CDH4: variants seen among roughly 807,000 people sequenced by gnomAD.
The protein encoded by CDH4 is cadherin 4, also known as cadherin-4.
CDH4 carries 33 observed loss-of-function variants against 86.0 expected under a neutral mutation model. The observed-to-expected ratio is 0.38, with a 90% CI of 0.29 to 0.51. The LOEUF is 0.51. Among genes scored for constraint, CDH4 ranks in the 20% least tolerant of loss-of-function variants. CDH4 has a pLI of 0.86. For missense variants in CDH4, 1,114 were observed against 1,307.4 expected (o/e 0.85, Z 2.28); for synonymous variants, 555 against 549.4 (o/e 1.01, Z -0.14).
At chr20:61,687,678 C>A (rs73915327) in intron 2 of CDH4, among the ~76,000 whole-genome samples, 1,679 of 152,278 alleles carry the variant, frequency 0.011, 31 homozygotes, top group African/African-American at 0.037. Context: ...GTAAATGATT[C>A]GGAAATTCCT....
At position 61,681,879 on chromosome 20, in the gene CDH4, C is replaced by T. The variant is rs549975384; in HGVS notation, c.170-61684C>T. On this transcript the variant is annotated intron_variant, in intron 2 of 15. Coordinates refer to ENST00000614565, the MANE Select transcript of CDH4 (RefSeq NM_001794.5). This position sits in a 1 kb window ranked among gnomAD's most constrained non-coding sequence, Gnocchi z 4.5. ...TGGTGTATACGGGAGCAAGCAGGTT[C>T]AGCAGAAAATGACGTGATGCCAAGG... Among the ~76,000 whole-genome samples the T allele has an allele frequency of 5.9e-5, 9 of 152,278 alleles. No homozygotes were observed. In the South Asian group the frequency reaches 1.9e-3, roughly 32 times the overall value.
chr20:61,846,429 C>T (rs1021002721), intron 5 of CDH4, among the ~76,000 whole-genome samples: 2 of 152,176 alleles, frequency 1.3e-5, no homozygotes, highest in East Asian at 1.9e-4. Flanking sequence ...GCGTCTACAA[C>T]AGGCTCAGGA....
At chr20:61,472,756 C>G (rs1377643871) in intron 2 of CDH4, among the ~76,000 whole-genome samples, 1 of 152,116 alleles carries the variant, frequency 6.6e-6, no homozygotes, top group East Asian at 1.9e-4. Flanking sequence ...AGTTGTTCTG[C>G]TAACTACAAC....
At chr20:61,344,761 G>A (rs1235155122) in intron 2 of CDH4, among the ~76,000 whole-genome samples, 1 of 152,108 alleles carries the variant, frequency 6.6e-6, no homozygotes, top group Non-Finnish European at 1.5e-5. Flanking sequence ...TACTTTTTGT[G>A]TGATGTCTGT....
chr20:61,609,191 CGTT>C (rs2145756753), intron 2 of CDH4, among the ~76,000 whole-genome samples: 1 of 152,182 alleles, frequency 6.6e-6, no homozygotes, highest in African/African-American at 2.4e-5. Flanking sequence ...TCTGAATCAT[CGTT>C]GTAAAACCAA....
At chr20:61,826,623 A>G (rs564388099) in intron 4 of CDH4, among the ~76,000 whole-genome samples, 2 of 152,348 alleles carry the variant, frequency 1.3e-5, no homozygotes, top group South Asian at 4.1e-4. Flanking sequence ...AGTATTCCAG[A>G]GAAGGAAACA....
At chr20:61,394,050 C>T (rs578154532) in intron 2 of CDH4, among the ~76,000 whole-genome samples, 1 of 152,136 alleles carries the variant, frequency 6.6e-6, no homozygotes, top group South Asian at 2.1e-4. Flanking sequence ...TATTATTCAT[C>T]GAGAACTATG....
intron 2 of CDH4, among the ~76,000 whole-genome samples, chr20:61,584,696 G>A (rs1421254089): frequency 6.6e-6 from 1 of 152,220 alleles, no homozygotes; most frequent in East Asian, 1.9e-4. Flanking sequence ...GAGAATGTGT[G>A]CTTAGTGGGG....
At chr20:61,550,463 C>T (rs987248660) in intron 2 of CDH4, among the ~76,000 whole-genome samples, 7 of 152,242 alleles carry the variant, frequency 4.6e-5, no homozygotes, top group African/African-American at 1.2e-4. Context: ...CCTGACTCTC[C>T]GCTTGGCACC....
At position 61,377,786 on chromosome 20, in the gene CDH4, C is replaced by T. The variant is rs1349830831; in HGVS notation, c.169+122849C>T. Among the ~76,000 whole-genome samples, 1 of 152,208 alleles carries T rather than the reference C, an allele frequency of 6.6e-6. No homozygotes were observed. Among genetic ancestry groups the T allele is most frequent in the Non-Finnish European group, 1.5e-5 (1 of 68,036 alleles). The stretch of plus-strand genomic sequence containing the variant: ...TGTTCCCCATCTGGACTCCTTAGGT[C>T]GGTCCACTGGCCTGTGCCTTGTCCT... On this transcript the variant is annotated intron_variant, in intron 2 of 15. Transcript: ENST00000614565. The surrounding 1 kb of genome is among the most constrained non-coding windows in gnomAD (Gnocchi z 4.0).
At chr20:61,288,436 A>G (rs939710704) in intron 2 of CDH4, among the ~76,000 whole-genome samples, 1 of 152,160 alleles carries the variant, frequency 6.6e-6, no homozygotes, top group Admixed American at 6.5e-5. Context: ...AGTCTTATGG[A>G]TGGCTGGGTC....
At chr20:61,530,184 C>G (rs929103029) in intron 2 of CDH4, among the ~76,000 whole-genome samples, 1 of 151,986 alleles carries the variant, frequency 6.6e-6, no homozygotes, top group African/African-American at 2.4e-5. Flanking sequence ...AGGGAACCAC[C>G]CCACACCCGG....
chr20:61,330,657 C>T (rs35426044), intron 2 of CDH4, among the ~76,000 whole-genome samples: 19,641 of 152,240 alleles, frequency 0.13, 1,628 homozygotes, highest in East Asian at 0.32. Context: ...CGACATGCTA[C>T]AGCAGGATGG....
At chr20:61,874,273 C>A (rs1983926683) in intron 7 of CDH4, among the ~76,000 whole-genome samples, 1 of 152,118 alleles carries the variant, frequency 6.6e-6, no homozygotes, top group Non-Finnish European at 1.5e-5. Flanking sequence ...GAAACCCACC[C>A]CTTCTGGGCC....
intron 2 of CDH4, among the ~76,000 whole-genome samples, chr20:61,294,259 C>G (rs867095877): frequency 6.6e-6 from 1 of 152,160 alleles, no homozygotes; most frequent in Non-Finnish European, 1.5e-5. Flanking sequence ...GGGTCTGCAC[C>G]GGGGCCAGGG....
intron 2 of CDH4, chr20:61,719,128 C>T: frequency 2.1e-6 from 1 of 470,960 alleles, no homozygotes; most frequent in Non-Finnish European, 4.4e-6. Flanking sequence ...TCACCTGCAG[C>T]CAAATGGCTT....
chr20:61,383,389 A>G (rs1354723674), intron 2 of CDH4, among the ~76,000 whole-genome samples: 2 of 66,696 alleles, frequency 3.0e-5, no homozygotes, highest in Non-Finnish European at 5.5e-5. Context: ...ATATATATGA[A>G]TATATGATAT....
intron 2 of CDH4, among the ~76,000 whole-genome samples, chr20:61,690,509 C>T (rs147276732): frequency 1.4e-4 from 21 of 152,230 alleles, no homozygotes; most frequent in African/African-American, 5.1e-4. Flanking sequence ...AGTGTGGACC[C>T]AATCGGCTGC....
Position 61,359,539 on chromosome 20 carries a change from C to T in CDH4, c.169+104602C>T, listed in dbSNP as rs528116608. ...AAGGGCGTAGGAGTCTGGGCTGAGT[C>T]TTTGCTGTGTCCCACAAAGTGATAC... is the stretch of plus-strand genomic sequence containing the variant. On this transcript the variant is annotated intron_variant, in intron 2 of 15. Coordinates refer to ENST00000614565, the MANE Select transcript of CDH4 (RefSeq NM_001794.5). Among the ~76,000 whole-genome samples the T allele has an allele frequency of 4.6e-4, 70 of 152,362 alleles. No individual in the cohort carries two copies. In the South Asian group the frequency reaches 0.014, roughly 30 times the overall value.
Sources: gnomAD v4.1 joint callset for allele counts (sites outside exome capture counted in the v4.1 genomes callset) on GRCh38, gnomAD v4.1.1 for gene constraint, Gnocchi (gnomAD v3.1) non-coding constraint, MANE v1.5 for transcripts, NCBI Gene and HGNC (gene_info 2026-07-23, HGNC 2026-07-21) for gene names.